The following PFKFB3 variants were observed in gnomAD, a reference collection of about 807,000 sequenced individuals.
PFKFB3 encodes the protein 6-phosphofructo-2-kinase/fructose-2,6-biphosphatase 3, also known as 6-phosphofructo-2-kinase/fructose-2,6-bisphosphatase 3.
Under a neutral mutation model 68.0 loss-of-function variants are expected in PFKFB3, and 33 were observed. That is an observed-to-expected ratio of 0.49 (90% CI 0.37 to 0.65). The LOEUF (loss-of-function observed/expected upper bound fraction) is 0.65. Among genes scored for constraint, PFKFB3 ranks in the 30% least tolerant of loss-of-function variants. The pLI is 0.00. For synonymous variants in PFKFB3, 315 were observed against 288.2 expected, an observed-to-expected ratio of 1.09 and a Z score of -0.94; for missense variants, 586 against 712.2, an observed-to-expected ratio of 0.82 and a Z score of 2.02.
Position 6,203,019 on chromosome 10 carries a change from G to A in PFKFB3, c.-242G>A. 1.5e-6 allele frequency: 2 copies of A among 1,368,222 alleles called. No homozygotes were observed. The highest frequency in any genetic ancestry group is 2.7e-4 in the Middle Eastern group (1 of 3,682). 84.8% of individuals were successfully genotyped at this position (1,368,222 alleles called of 1,614,324 possible). ...CCGAGCATCCCAGAGCTTTCCGAGC[G>A]GACGAGCCGGCCGTGCCGGGCATCC... On this transcript the variant is annotated 5_prime_UTR_variant, in exon 1 of 15. Transcript: ENST00000379775.
At chr10:6,155,263 C>T (rs370113572) in intron 1 of PFKFB3, among the ~76,000 whole-genome samples, 19 of 144,104 alleles carry the variant, frequency 1.3e-4, no homozygotes, top group South Asian at 2.2e-4. Context: ...AGGGCAGTGG[C>T]GCGATCTCGG....
At chr10:6,262,879 C>T in the PFKFB3 span, among the ~76,000 whole-genome samples, 26 of 152,246 alleles carry the variant, frequency 1.7e-4, no homozygotes, top group Middle Eastern at 3.4e-3. Flanking sequence ...TGCTGTCCAG[C>T]GGTGCTAATA....
the PFKFB3 span, among the ~76,000 whole-genome samples, chr10:6,278,146 G>T: frequency 2.0e-5 from 3 of 151,916 alleles, no homozygotes; most frequent in African/African-American, 7.3e-5. Context: ...TCGATCTCTT[G>T]ACCTTGTGAT....
the PFKFB3 span, among the ~76,000 whole-genome samples, chr10:6,282,380 T>C: frequency 4.6e-5 from 7 of 152,154 alleles, no homozygotes; most frequent in African/African-American, 1.7e-4. Context: ...TCAATGTATG[T>C]TTCCAGATTC....
chr10:6,241,847 C>CT (rs200489171), intron 14 of PFKFB3, among the ~76,000 whole-genome samples: 3,085 of 134,206 alleles, frequency 0.023, 37 homozygotes, highest in East Asian at 0.079. Context: ...GCTTTCTTTT[C>CT]TTTTTTTTTT....
intron 1 of PFKFB3, chr10:6,145,129 C>G (rs1344798256): frequency 1.2e-6 from 1 of 849,998 alleles, no homozygotes; most frequent in African/African-American, 1.8e-5. Context: ...TGCACCCGGG[C>G]TGCGGCGGTG....
the PFKFB3 span, among the ~76,000 whole-genome samples, chr10:6,282,599 C>T: frequency 3.3e-5 from 5 of 152,220 alleles, no homozygotes; most frequent in Admixed American, 6.5e-5. Context: ...GACCTAAGGC[C>T]GCTCTAGGCC....
At chr10:6,286,183 T>A in the PFKFB3 span, among the ~76,000 whole-genome samples, 3 of 152,024 alleles carry the variant, frequency 2.0e-5, no homozygotes, top group Non-Finnish European at 4.4e-5. Context: ...TTCACTGTGT[T>A]ATCCTTGATG....
chr10:6,211,581 G>C (rs566014322), intron 1 of PFKFB3, among the ~76,000 whole-genome samples: 1 of 152,142 alleles, frequency 6.6e-6, no homozygotes, highest in Non-Finnish European at 1.5e-5. Context: ...ACTGGCTTTC[G>C]GGGAGGCCAC....
chr10:6,216,831 G>A (rs190538826), intron 5 of PFKFB3, 51 bp downstream of exon 5: 2 of 1,363,790 alleles, frequency 1.5e-6, no homozygotes, highest in East Asian at 4.6e-5. Context: ...AGAGGAAAAG[G>A]CTTCAGGAAG....
intron 1 of PFKFB3, among the ~76,000 whole-genome samples, chr10:6,145,492 C>A (rs1434148460): frequency 6.6e-6 from 1 of 152,018 alleles, no homozygotes; most frequent in Non-Finnish European, 1.5e-5. Context: ...TATACCAGGG[C>A]TCCGGACCCG....
the PFKFB3 span, among the ~76,000 whole-genome samples, chr10:6,314,092 T>C: frequency 6.6e-6 from 1 of 152,220 alleles, no homozygotes; most frequent in Non-Finnish European, 1.5e-5. Context: ...AAGTAAAGCT[T>C]AGGATGAATT....
chr10:6,239,974 A>G (rs931779656), downstream of PFKFB3, among the ~76,000 whole-genome samples: 6 of 152,194 alleles, frequency 3.9e-5, no homozygotes, highest in East Asian at 1.9e-4. Context: ...GTGCCTGACA[A>G]TGAAGAATTT....
chr10:6,219,679 C>A lies in PFKFB3; in HGVS notation c.609C>A (p.Pro203=). The change falls in exon 7 of 15, where the codon CCC becomes CCA. Residue 203 remains proline (P), a synonymous_variant. Transcript: ENST00000379775. ...AAGCCAGCTACCAGCCCCTCGACCCCGACAAATGCGACAGGTGATTCCCGT... is the reference window on the plus strand; with the variant it reads ...AAGCCAGCTACCAGCCCCTCGACCCAGACAAATGCGACAGGTGATTCCCGT... ...CYEASYQPLD[P]DKCDRDLSLI... 1 of 1,613,762 alleles carries A rather than the reference C, an allele frequency of 6.2e-7. No individual in the cohort carries two copies. Among genetic ancestry groups the A allele is most frequent in the Non-Finnish European group, 8.5e-7 (1 of 1,179,794 alleles).
At chr10:6,266,374 G>A in the PFKFB3 span, among the ~76,000 whole-genome samples, 13 of 152,088 alleles carry the variant, frequency 8.5e-5, no homozygotes, top group Admixed American at 3.9e-4. Context: ...CTTTGAGGAC[G>A]TCGTTGATTT....
the PFKFB3 span, among the ~76,000 whole-genome samples, chr10:6,296,984 A>C: frequency 6.6e-6 from 1 of 152,194 alleles, no homozygotes; most frequent in African/African-American, 2.4e-5. Context: ...TCTGACAGGA[A>C]CCCAAGGTAA....
intron 1 of PFKFB3, among the ~76,000 whole-genome samples, chr10:6,168,359 C>T (rs1368420074): frequency 1.3e-5 from 2 of 152,204 alleles, no homozygotes; most frequent in African/African-American, 2.4e-5. Context: ...CGAGGCAGAA[C>T]GGTGGCTTCA....
At chr10:6,170,640 A>G (rs976538276) in intron 1 of PFKFB3, among the ~76,000 whole-genome samples, 2 of 152,182 alleles carry the variant, frequency 1.3e-5, no homozygotes, top group Non-Finnish European at 2.9e-5. Flanking sequence ...GAGCAAAAGT[A>G]GAGGGAGCAA....
At chr10:6,218,835 G>A (rs1276039459) in intron 6 of PFKFB3, among the ~76,000 whole-genome samples, 2 of 152,210 alleles carry the variant, frequency 1.3e-5, no homozygotes, top group Non-Finnish European at 2.9e-5. Context: ...TTCCCCGGCT[G>A]AAACTGTGCC....
Sources: gnomAD v4.1 joint callset for allele counts (sites outside exome capture counted in the v4.1 genomes callset) on GRCh38, gnomAD v4.1.1 for gene constraint, MANE v1.5 for transcripts, NCBI Gene and HGNC (gene_info 2026-07-23, HGNC 2026-07-21) for gene names.